FHOD3: variants seen among roughly 807,000 people sequenced by gnomAD.
FHOD3 encodes the protein formin homology 2 domain containing 3.
Under a neutral mutation model 173.0 loss-of-function variants are expected in FHOD3, and 90 were observed. That is an observed-to-expected ratio of 0.52 (90% CI 0.44 to 0.62). The LOEUF (loss-of-function observed/expected upper bound fraction) is 0.62, where lower values mean the gene tolerates loss of function less well. Among genes scored for constraint, FHOD3 ranks in the 20% least tolerant of loss-of-function variants. The pLI is 0.00. For missense variants in FHOD3, 1,945 were observed against 2,034.7 expected (o/e 0.96, Z 0.85); for synonymous variants, 828 against 823.0 (o/e 1.01, Z -0.10).
chr18:36,525,433 G>A (rs1424465174), intron 5 of FHOD3, among the ~76,000 whole-genome samples: 1 of 152,144 alleles, frequency 6.6e-6, no homozygotes, highest in Non-Finnish European at 1.5e-5. Flanking sequence ...TTGCAGCCTG[G>A]TGAGACACCC....
intron 3 of FHOD3, among the ~76,000 whole-genome samples, chr18:36,395,242 G>C (rs1195973083): frequency 6.6e-6 from 1 of 150,576 alleles, no homozygotes; most frequent in Non-Finnish European, 1.5e-5. Context: ...GCATGAACCT[G>C]GGAGGCGGAG....
intron 5 of FHOD3, among the ~76,000 whole-genome samples, chr18:36,522,639 C>T (rs1337764549): frequency 6.6e-6 from 1 of 152,184 alleles, no homozygotes; most frequent in Non-Finnish European, 1.5e-5. Context: ...TCATCACAAC[C>T]TTTGCAGCTG....
intron 17 of FHOD3, among the ~76,000 whole-genome samples, chr18:36,703,707 G>A (rs2039711592): frequency 6.6e-6 from 1 of 152,206 alleles, no homozygotes; most frequent in Non-Finnish European, 1.5e-5. Context: ...GATTGTGTGA[G>A]TGATGGTCTG....
intron 9 of FHOD3, among the ~76,000 whole-genome samples, chr18:36,623,998 T>C (rs2033907169): frequency 6.6e-6 from 1 of 152,200 alleles, no homozygotes; most frequent in African/African-American, 2.4e-5. Context: ...TCTGAGTCTT[T>C]ATATTCTCCA....
chr18:36,345,428 A>G (rs899204145), intron 1 of FHOD3, among the ~76,000 whole-genome samples: 1 of 152,204 alleles, frequency 6.6e-6, no homozygotes, highest in African/African-American at 2.4e-5. Context: ...GAGGAAAATT[A>G]TAGTCTTTTT....
intron 6 of FHOD3, among the ~76,000 whole-genome samples, chr18:36,584,385 A>G (rs1261998684): frequency 6.6e-6 from 1 of 152,226 alleles, no homozygotes. Context: ...GGAAGCCAGA[A>G]GTCCAATTGT....
At chr18:36,318,176 C>G (rs2044222718) in intron 1 of FHOD3, among the ~76,000 whole-genome samples, 1 of 152,092 alleles carries the variant, frequency 6.6e-6, no homozygotes, top group Non-Finnish European at 1.5e-5. Context: ...CAGCTTTGTT[C>G]TTTTTGCTTA....
intron 15 of FHOD3, 65 bp downstream of exon 15, chr18:36,681,635 A>T: frequency 6.6e-7 from 1 of 1,519,962 alleles, no homozygotes; most frequent in Non-Finnish European, 8.9e-7. Flanking sequence ...TGACTTTACA[A>T]CTGTATACAT....
At chr18:36,728,236 C>T (rs2041176515) in intron 19 of FHOD3, among the ~76,000 whole-genome samples, 1 of 152,146 alleles carries the variant, frequency 6.6e-6, no homozygotes, top group African/African-American at 2.4e-5. Flanking sequence ...GGGGTAGGTG[C>T]CCAGCAGTGC....
chr18:36,378,429 C>T (rs939270555), intron 3 of FHOD3, among the ~76,000 whole-genome samples: 162 of 151,968 alleles, frequency 1.1e-3, no homozygotes, highest in African/African-American at 3.8e-3. Context: ...GATCCCAAGG[C>T]GTGCATGTGT....
intron 27 of FHOD3, among the ~76,000 whole-genome samples, chr18:36,768,114 A>G (rs920378278): frequency 6.6e-6 from 1 of 152,180 alleles, no homozygotes; most frequent in African/African-American, 2.4e-5. Flanking sequence ...TCTCACCTAC[A>G]GGTTTTTGAA....
chr18:36,318,023 G>T (rs1322166641), intron 1 of FHOD3, among the ~76,000 whole-genome samples: 1 of 152,194 alleles, frequency 6.6e-6, no homozygotes, highest in Non-Finnish European at 1.5e-5. Flanking sequence ...GTTTGTCAAA[G>T]ATCAGATTCT....
chr18:36,392,466 C>T (rs2048348162), intron 3 of FHOD3, among the ~76,000 whole-genome samples: 1 of 152,138 alleles, frequency 6.6e-6, no homozygotes, highest in Admixed American at 6.5e-5. Flanking sequence ...CAAAGCTGAA[C>T]AGTGTCTGCT....
chr18:36,481,572 A>G (rs2053898793), intron 3 of FHOD3, among the ~76,000 whole-genome samples: 1 of 151,862 alleles, frequency 6.6e-6, no homozygotes, highest in African/African-American at 2.4e-5. Flanking sequence ...AAACGGGGAC[A>G]TTTGGGTTCC....
chr18:36,719,523 A>G (rs1437753619), intron 19 of FHOD3, among the ~76,000 whole-genome samples: 1 of 152,214 alleles, frequency 6.6e-6, no homozygotes, highest in Non-Finnish European at 1.5e-5. Flanking sequence ...CCCATTCTGG[A>G]TATTTTCCAG....
chr18:36,566,446 G>C (rs1025409208), intron 5 of FHOD3, among the ~76,000 whole-genome samples: 1 of 152,170 alleles, frequency 6.6e-6, no homozygotes, highest in Non-Finnish European at 1.5e-5. Context: ...AAAGCCTTCA[G>C]ATGGTAGCAA....
chr18:36,666,926 C>G (rs1003205993), intron 14 of FHOD3, among the ~76,000 whole-genome samples: 7 of 152,180 alleles, frequency 4.6e-5, no homozygotes, highest in Admixed American at 1.3e-4. Flanking sequence ...CTGCCCTTCC[C>G]CATCCCTAAG....
At chr18:36,552,709 A>C (rs1228311978) in intron 5 of FHOD3, among the ~76,000 whole-genome samples, 1 of 152,082 alleles carries the variant, frequency 6.6e-6, no homozygotes, top group African/African-American at 2.4e-5. Flanking sequence ...TGTGTTAGCC[A>C]GGATGGTCTT....
intron 2 of FHOD3, among the ~76,000 whole-genome samples, chr18:36,359,025 GTC>G (rs1319072289): frequency 1.3e-5 from 2 of 152,228 alleles, no homozygotes; most frequent in Non-Finnish European, 2.9e-5. Context: ...ATTTGACAAA[GTC>G]TGTGTGTCTC....
Sources: gnomAD v4.1 joint callset for allele counts (sites outside exome capture counted in the v4.1 genomes callset) on GRCh38, gnomAD v4.1.1 for gene constraint, MANE v1.5 for transcripts, NCBI Gene and HGNC (gene_info 2026-07-23, HGNC 2026-07-21) for gene names.